The following BCL9 variants were observed in gnomAD, a reference collection of about 807,000 sequenced individuals.
BCL9 encodes BCL9 transcription coactivator.
In BCL9, 25 loss-of-function variants were observed where a neutral mutation model predicts 88.5. That is an observed-to-expected ratio of 0.28 (90% confidence interval 0.21 to 0.39). BCL9 has a LOEUF of 0.39. BCL9 is among the 10% of genes least tolerant of loss of function. The pLI, the probability that BCL9 is intolerant of heterozygous loss-of-function variation, is 1.00. For synonymous variants in BCL9, 711 were observed against 673.3 expected (o/e 1.06, Z -0.87); for missense variants, 1,817 against 1,877.8 (o/e 0.97, Z 0.60).
At chr1:147,542,149 C>G (rs1474392074) in intron 1 of BCL9, among the ~76,000 whole-genome samples, 1 of 152,070 alleles carries the variant, frequency 6.6e-6, no homozygotes. Context: ...CCAGTGTGCC[C>G]GTGGGTCTGT....
chr1:147,551,898 T>C (rs1654920846), intron 1 of BCL9, among the ~76,000 whole-genome samples: 1 of 152,202 alleles, frequency 6.6e-6, no homozygotes, highest in African/African-American at 2.4e-5. Flanking sequence ...AATTTAAATA[T>C]GTCAAAATAA....
At position 147,624,602 on chromosome 1, in the gene BCL9, A is replaced by C. The variant is rs140556128; in HGVS notation, c.3924A>C (p.Pro1308=). The change falls in exon 10 of 10, where the codon CCA becomes CCC. Residue 1308 remains proline (P), a synonymous_variant. Coordinates refer to ENST00000234739, the MANE Select transcript of BCL9 (RefSeq NM_004326.4). This position sits in a 1 kb window ranked among gnomAD's most constrained non-coding sequence, Gnocchi z 4.4. ...CGGACATCCCTCTTGGTACAGCTCC[A>C]TCCATGCCAGGCCACAACCCCATGA... ...GTPDIPLGTA[P]SMPGHNPMRP... 2.2e-4 allele frequency: 358 copies of C among 1,614,198 alleles called. 1 individual carries two copies. Among genetic ancestry groups the C allele is most frequent in the Admixed American group, 1.7e-3 (100 of 60,028 alleles).
intron 1 of BCL9, among the ~76,000 whole-genome samples, chr1:147,556,741 C>T (rs587732970): frequency 6.6e-6 from 1 of 152,288 alleles, no homozygotes; most frequent in East Asian, 1.9e-4. Context: ...AGCCACTGCA[C>T]CTGGCCATCT....
At chr1:147,615,934 A>AATGAT (rs1553203766) in intron 7 of BCL9, 32 bp downstream of exon 7, 4 of 1,573,754 alleles carry the variant, frequency 2.5e-6, no homozygotes, top group Non-Finnish European at 3.5e-6. Context: ...GTAATGGTTT[A>AATGAT]ATGATTCTAC....
chr1:147,572,800 G>A (rs1197363723), intron 1 of BCL9, among the ~76,000 whole-genome samples: 4 of 152,132 alleles, frequency 2.6e-5, no homozygotes, highest in Non-Finnish European at 4.4e-5. Context: ...GGCTGGTCTC[G>A]AACTCCTGGC....
intron 1 of BCL9, among the ~76,000 whole-genome samples, chr1:147,561,834 T>C (rs1553196136): frequency 6.6e-6 from 1 of 152,180 alleles, no homozygotes; most frequent in African/African-American, 2.4e-5. Context: ...AGCGAGAGTG[T>C]CATGGAGATG....
At chr1:147,595,842 G>A (rs183280424) in intron 1 of BCL9, among the ~76,000 whole-genome samples, 28 of 152,320 alleles carry the variant, frequency 1.8e-4, no homozygotes, top group Admixed American at 1.6e-3. Flanking sequence ...CCCTTGGTAA[G>A]GCATGATGGA....
chr1:147,599,406 G>A (rs1469875598), intron 1 of BCL9, among the ~76,000 whole-genome samples: 2 of 152,220 alleles, frequency 1.3e-5, no homozygotes, highest in Non-Finnish European at 2.9e-5. Flanking sequence ...GGAAGAGTGA[G>A]GGAAAGACCG....
chr1:147,624,521 C>A lies in BCL9; in HGVS notation c.3843C>A (p.Ala1281=). ...TGCAGGGGATGATGGGCGAACAAGC[C>A]CCCAGAATGGGACTAGCATTACCTG... ...SHMQGMMGEQ[A]PRMGLALPGM... Residue 1281 remains alanine, a synonymous_variant, in exon 10 of 10, where the codon GCC becomes GCA. Transcript: ENST00000234739. This position sits in a 1 kb window ranked among gnomAD's most constrained non-coding sequence, Gnocchi z 4.4. 6.2e-7 allele frequency: 1 copy of A among 1,614,134 alleles called. No homozygotes were observed. Among genetic ancestry groups the A allele is most frequent in the Non-Finnish European group, 8.5e-7 (1 of 1,180,018 alleles).
intron 1 of BCL9, among the ~76,000 whole-genome samples, chr1:147,586,611 G>T (rs1656612692): frequency 6.6e-6 from 1 of 152,158 alleles, no homozygotes; most frequent in East Asian, 1.9e-4. Context: ...TCCGGGGCCA[G>T]GGGACCCGCC....
chr1:147,588,594 G>A (rs1557839543), intron 1 of BCL9, among the ~76,000 whole-genome samples: 1 of 152,128 alleles, frequency 6.6e-6, no homozygotes, highest in Non-Finnish European at 1.5e-5. Context: ...GCTATCCATG[G>A]GGCGGGGTGG....
At chr1:147,596,798 C>T (rs944654586) in intron 1 of BCL9, among the ~76,000 whole-genome samples, 2 of 152,016 alleles carry the variant, frequency 1.3e-5, no homozygotes, top group Admixed American at 6.6e-5. Context: ...TGGTAGTATT[C>T]TTTTGGAGCT....
intron 6 of BCL9, 27 bp from the exon 7 acceptor site, chr1:147,615,776 T>C (rs377230197): frequency 6.3e-7 from 1 of 1,575,590 alleles, no homozygotes; most frequent in African/African-American, 1.3e-5. Flanking sequence ...CAAGTTCTAG[T>C]GTGTGCTGTC....
intron 1 of BCL9, among the ~76,000 whole-genome samples, chr1:147,588,464 G>C (rs1282076570): frequency 6.6e-6 from 1 of 152,098 alleles, no homozygotes; most frequent in African/African-American, 2.4e-5. Context: ...TATGAAATAA[G>C]GTGAAACAAA....
Position 147,620,108 on chromosome 1 carries a change from C to T in BCL9, c.1953C>T (p.Gly651=), listed in dbSNP as rs782434354. The T allele has an allele frequency of 4.3e-6, 7 of 1,614,208 alleles. No individual in the cohort carries two copies. The South Asian group carries it at 7.7e-5, about 18-fold the overall frequency. ...TCCCCCCAGGGATGGCCATGGAAGG[C>T]ATCAGGCCCAGCATGGAGATGAACA... The part of the protein sequence containing the change: ...LGLPPGMAME[G]IRPSMEMNRM... Residue 651 remains glycine (G), a synonymous_variant, in exon 8 of 10, where the codon GGC becomes GGT. Coordinates refer to ENST00000234739, the MANE Select transcript of BCL9 (RefSeq NM_004326.4).
chr1:147,619,918 C>T lies in BCL9; in HGVS notation c.1763C>T (p.Ser588Phe). The change falls in exon 8 of 10, where the codon TCT (serine) becomes TTT (phenylalanine). Residue 588 changes from serine (S) to phenylalanine (F), a missense_variant. Ser to Phe is a radical substitution (Grantham distance 155). Around this residue, in one of 2 missense-constraint regions of BCL9, gnomAD observed 1,228 missense variants for 1,191.6 expected, o/e 1.03. Coordinates refer to ENST00000234739, the MANE Select transcript of BCL9 (RefSeq NM_004326.4). The surrounding 1 kb of genome is among the most constrained non-coding windows in gnomAD (Gnocchi z 4.1). ...AACCCTGCATCTAGACCAGGTCTTT[C>T]TGGAGTCAGTTGGCCAGATGATGTG... is the stretch of plus-strand genomic sequence containing the variant. Reference protein sequence around the residue: ...VPNPASRPGLSGVSWPDDVPK... With the variant: ...VPNPASRPGLFGVSWPDDVPK... 1.2e-6 allele frequency: 2 copies of T among 1,614,200 alleles called. No individual in the cohort carries two copies. Among genetic ancestry groups the T allele is most frequent in the African/African-American group, 1.3e-5 (1 of 75,058 alleles).
intron 1 of BCL9, among the ~76,000 whole-genome samples, chr1:147,579,960 TAGAA>T (rs1362657263): frequency 1.3e-5 from 2 of 152,218 alleles, no homozygotes; most frequent in Non-Finnish European, 1.5e-5. Context: ...CCTCTTCTCT[TAGAA>T]AGCAAAAACA....
intron 1 of BCL9, among the ~76,000 whole-genome samples, chr1:147,575,013 ACT>A (rs1656047575): frequency 6.6e-6 from 1 of 152,174 alleles, no homozygotes; most frequent in Admixed American, 6.5e-5. Flanking sequence ...TTGAGGGCTG[ACT>A]CATATATAAC....
chr1:147,552,926 A>G (rs1461138359), intron 1 of BCL9, among the ~76,000 whole-genome samples: 1 of 151,996 alleles, frequency 6.6e-6, no homozygotes, highest in Non-Finnish European at 1.5e-5. Flanking sequence ...CAGATGGGTC[A>G]TTTATTCATC....
Sources: gnomAD v4.1 joint callset for allele counts (sites outside exome capture counted in the v4.1 genomes callset) on GRCh38, gnomAD v4.1.1 for gene constraint, gnomAD v4.1.1 regional missense constraint, Gnocchi (gnomAD v3.1) non-coding constraint, MANE v1.5 for transcripts, NCBI Gene and HGNC (gene_info 2026-07-23, HGNC 2026-07-21) for gene names.